Variants in MCPH1 observed in about 807,000 individuals in gnomAD.
The protein encoded by MCPH1 is microcephalin.
In MCPH1, 104 loss-of-function variants were observed where a neutral mutation model predicts 84.5. The ratio of observed to expected loss-of-function variants is 1.23; its 90% CI spans 1.05 to 1.45. MCPH1 has a LOEUF of 1.45. Ranked by LOEUF, MCPH1 falls within the 40% of genes most tolerant of loss-of-function variation. The pLI is 0.00. For synonymous variants in MCPH1, 514 were observed against 366.8 expected (o/e 1.40, Z -4.58); for missense variants, 1,498 against 1,005.7 (o/e 1.49, Z -6.62).
intron 12 of MCPH1, among the ~76,000 whole-genome samples, chr8:6,599,379 G>A (rs1269640988): frequency 6.6e-6 from 1 of 152,202 alleles, no homozygotes; most frequent in Non-Finnish European, 1.5e-5. Flanking sequence ...ACTGTTTAAA[G>A]CAGAGCGCGG....
chr8:6,635,852 G>C (rs1220821554), intron 13 of MCPH1, among the ~76,000 whole-genome samples: 1 of 152,188 alleles, frequency 6.6e-6, no homozygotes, highest in African/African-American at 2.4e-5. Context: ...GGTTGGGAGA[G>C]CAGAGGCCTG....
chr8:6,640,863 A>G (rs536629278), intron 13 of MCPH1, among the ~76,000 whole-genome samples: 30 of 152,288 alleles, frequency 2.0e-4, no homozygotes, highest in African/African-American at 7.0e-4. Flanking sequence ...TGAGGGGACC[A>G]TGTTGTTTTT....
At chr8:6,518,653 A>G (rs985597982) in intron 12 of MCPH1, among the ~76,000 whole-genome samples, 1 of 152,174 alleles carries the variant, frequency 6.6e-6, no homozygotes, top group African/African-American at 2.4e-5. Flanking sequence ...TTAGGATAAT[A>G]CTCAATTTAA....
intron 2 of MCPH1, among the ~76,000 whole-genome samples, chr8:6,409,903 G>A (rs1250226445): frequency 2.0e-5 from 3 of 152,144 alleles, no homozygotes; most frequent in Non-Finnish European, 2.9e-5. Flanking sequence ...ATGGGAGCAG[G>A]GACCCAGTGA....
At chr8:6,504,337 A>AG (rs58658342) in intron 12 of MCPH1, among the ~76,000 whole-genome samples, 1 of 149,670 alleles carries the variant, frequency 6.7e-6, no homozygotes, top group Non-Finnish European at 1.5e-5. Flanking sequence ...AAAAAAAAAA[A>AG]GAATGTATAA....
chr8:6,624,812 G>A lies in MCPH1; in HGVS notation c.2452+3121G>A, dbSNP rs1385887597. The A allele has an allele frequency of 2.0e-5, 20 of 984,442 alleles. No individual in the cohort carries two copies. The East Asian group carries it at 5.7e-4, about 28-fold the overall frequency. 61.0% of individuals were successfully genotyped at this position (984,442 alleles called of 1,614,324 possible). On this transcript the variant is annotated intron_variant, in intron 13 of 13. Coordinates refer to ENST00000344683, the MANE Select transcript of MCPH1 (RefSeq NM_024596.5). ...CAGAACACACAGTCCAGGGCATTGC[G>A]TTTCCTGCCTCATCCAGGTCCAGGC...
At position 6,445,229 on chromosome 8, in the gene MCPH1, C is replaced by T. The variant is rs1293643957; in HGVS notation, c.1507C>T (p.Pro503Ser). The change falls in exon 8 of 14, where the codon CCT becomes TCT. Residue 503 changes from proline (P) to serine (S), a missense_variant. Coordinates refer to ENST00000344683, the MANE Select transcript of MCPH1 (RefSeq NM_024596.5). Reference protein sequence around the residue: ...RATSSCVTSAPEEALRCCRQA... With the variant: ...RATSSCVTSASEEALRCCRQA... ...AACTTCGAGTTGCGTGACTTCTGCC[C>T]CTGAAGAAGCCCTAAGGTGTTGTAG... 22 of 1,614,182 alleles carry T rather than the reference C, an allele frequency of 1.4e-5. No homozygotes were observed. The highest frequency in any genetic ancestry group is 1.9e-5 in the Non-Finnish European group (22 of 1,180,036).
chr8:6,461,722 T>C (rs776118856), intron 9 of MCPH1, among the ~76,000 whole-genome samples: 22 of 152,222 alleles, frequency 1.4e-4, no homozygotes, highest in Non-Finnish European at 2.9e-4. Flanking sequence ...GTCATTGACA[T>C]TGATAGTTAT....
chr8:6,452,079 G>C, intron 8 of MCPH1, among the ~76,000 whole-genome samples: 1 of 152,166 alleles, frequency 6.6e-6, no homozygotes, highest in African/African-American at 2.4e-5. Flanking sequence ...TTCTCCTACA[G>C]TCTTTTCATC....
chr8:6,544,874 T>C (rs558058291), intron 12 of MCPH1, among the ~76,000 whole-genome samples: 1 of 152,304 alleles, frequency 6.6e-6, no homozygotes, highest in Admixed American at 6.5e-5. Context: ...TCATTTCAGA[T>C]TGAACCTGCT....
At chr8:6,636,203 G>C (rs1797542864) in intron 13 of MCPH1, among the ~76,000 whole-genome samples, 1 of 152,100 alleles carries the variant, frequency 6.6e-6, no homozygotes, top group Non-Finnish European at 1.5e-5. Context: ...AGCCGGGCGT[G>C]ATGGCACATG....
chr8:6,551,112 G>A (rs1028438839), intron 12 of MCPH1, among the ~76,000 whole-genome samples: 2 of 152,138 alleles, frequency 1.3e-5, no homozygotes, highest in African/African-American at 4.8e-5. Context: ...ACGGCTCCTG[G>A]GCCCCTGACT....
chr8:6,599,960 G>C (rs1829234382), intron 12 of MCPH1, among the ~76,000 whole-genome samples: 1 of 152,244 alleles, frequency 6.6e-6, no homozygotes, highest in African/African-American at 2.4e-5. Flanking sequence ...AATTGTATTA[G>C]AGATTAACAA....
At chr8:6,491,198 T>C (rs2129561131) in intron 11 of MCPH1, among the ~76,000 whole-genome samples, 1 of 151,674 alleles carries the variant, frequency 6.6e-6, no homozygotes, top group Non-Finnish European at 1.5e-5. Context: ...ATTGAGATCA[T>C]GAGTCAGTTG....
chr8:6,608,014 C>G (rs1358639628), intron 12 of MCPH1, among the ~76,000 whole-genome samples: 2 of 152,122 alleles, frequency 1.3e-5, no homozygotes, highest in East Asian at 1.9e-4. Context: ...GTTTTTTGAT[C>G]CACCCCCAGG....
At chr8:6,416,404 G>C (rs1417801582) in intron 3 of MCPH1, among the ~76,000 whole-genome samples, 1 of 152,128 alleles carries the variant, frequency 6.6e-6, no homozygotes, top group African/African-American at 2.4e-5. Context: ...TTGGAGAAAA[G>C]CTTTCAGTAT....
At chr8:6,415,958 G>T (rs566127600) in intron 3 of MCPH1, among the ~76,000 whole-genome samples, 1 of 152,196 alleles carries the variant, frequency 6.6e-6, no homozygotes, top group Admixed American at 6.5e-5. Flanking sequence ...TCTTTTTCAG[G>T]TCTCAAATTT....
intron 1 of MCPH1, among the ~76,000 whole-genome samples, chr8:6,408,167 G>C (rs1798007142): frequency 6.6e-6 from 1 of 152,188 alleles, no homozygotes; most frequent in African/African-American, 2.4e-5. Context: ...TATTGTATGG[G>C]TACAGTTGTT....
intron 11 of MCPH1, among the ~76,000 whole-genome samples, chr8:6,485,582 C>T (rs973945448): frequency 1.3e-5 from 2 of 150,194 alleles, no homozygotes; most frequent in African/African-American, 4.9e-5. Flanking sequence ...TTGCTCTTTG[C>T]CCTCTGTGCT....
Sources: gnomAD v4.1 joint callset for allele counts (sites outside exome capture counted in the v4.1 genomes callset) on GRCh38, gnomAD v4.1.1 for gene constraint, MANE v1.5 for transcripts, NCBI Gene and HGNC (gene_info 2026-07-23, HGNC 2026-07-21) for gene names.